RSPH14: variants seen among roughly 807,000 people sequenced by gnomAD.
The protein encoded by RSPH14 is rhabdoid tumor deletion region gene 1.
Under a neutral mutation model 26.7 loss-of-function variants are expected in RSPH14, and 20 were observed. The ratio of observed to expected loss-of-function variants is 0.75; its 90% confidence interval spans 0.53 to 1.09. The LOEUF (loss-of-function observed/expected upper bound fraction) is 1.09, where lower values mean the gene tolerates loss of function less well. Ranked by LOEUF, RSPH14 falls within the 50% of genes least tolerant of loss-of-function variation. The probability of loss-of-function intolerance (pLI) is 0.00; values close to 1 mark genes in which losing one functional copy is unlikely to be tolerated. For missense variants in RSPH14, 449 were observed against 457.2 expected (o/e 0.98, Z 0.16); for synonymous variants, 177 against 189.3 (o/e 0.93, Z 0.53).
chr22:23,071,619 A>C lies in RSPH14; in HGVS notation c.422-7486T>G, dbSNP rs887997147. Among the ~76,000 whole-genome samples the C allele has an allele frequency of 2.6e-5, 4 of 152,128 alleles. No individual in the cohort carries two copies. Among genetic ancestry groups the C allele is most frequent in the African/African-American group, 7.2e-5 (3 of 41,436 alleles). On this transcript the variant is annotated intron_variant, in intron 4 of 6. Transcript: ENST00000216036. This position sits in a 1 kb window ranked among gnomAD's most constrained non-coding sequence, Gnocchi z 4.1. ...TTGACGCTGGGGTGCACCGGGTGGG[A>C]GTGGACTGGGCCTGCCCTCCCAGGA...
the RSPH14 span, chr22:23,152,543 G>GC: frequency 6.2e-6 from 10 of 1,613,094 alleles, no homozygotes; most frequent in Non-Finnish European, 8.5e-6. Context: ...GGCTTCCTCT[G>GC]CCCCTTTGGC....
At chr22:23,104,794 C>G (rs374872520) in intron 4 of RSPH14, among the ~76,000 whole-genome samples, 138 of 152,272 alleles carry the variant, frequency 9.1e-4, no homozygotes, top group African/African-American at 3.2e-3. Flanking sequence ...CAGCAAGGCT[C>G]TGTGCTGACC....
chr22:23,120,683 G>A (rs1302568166), intron 4 of RSPH14, among the ~76,000 whole-genome samples: 2 of 151,870 alleles, frequency 1.3e-5, no homozygotes, highest in South Asian at 2.1e-4. Context: ...GAACCCCCAG[G>A]TCCATACCCT....
intron 4 of RSPH14, among the ~76,000 whole-genome samples, chr22:23,130,092 A>AAAGG (rs1491333410): frequency 9.0e-5 from 3 of 33,238 alleles, no homozygotes; most frequent in African/African-American, 2.7e-4. Flanking sequence ...AGGAAGAAAG[A>AAAGG]AAGAAAGAAA....
At chr22:23,135,436 G>A (rs1246398350) in intron 3 of RSPH14, among the ~76,000 whole-genome samples, 1 of 151,376 alleles carries the variant, frequency 6.6e-6, no homozygotes. Flanking sequence ...AGCTTGCAGT[G>A]AGCCAAGAAC....
At chr22:23,128,764 A>G (rs2070241954) in intron 4 of RSPH14, among the ~76,000 whole-genome samples, 1 of 152,216 alleles carries the variant, frequency 6.6e-6, no homozygotes, top group East Asian at 1.9e-4. Context: ...TGAATGAAGG[A>G]ATGAGCAAGC....
chr22:23,128,557 C>T lies in RSPH14; in HGVS notation c.421+5469G>A, dbSNP rs557529638. Among the ~76,000 whole-genome samples, 9 of 152,318 alleles carry T rather than the reference C, an allele frequency of 5.9e-5. No individual in the cohort carries two copies. In the East Asian group the frequency reaches 1.2e-3, roughly 20 times the overall value. Reference sequence around the variant, plus strand: ...TGAGCGCAGCAGCTTGGGCCCAGGGCCCCTGCAGGGCCAGGGCCCACTTGG... The same window carrying T: ...TGAGCGCAGCAGCTTGGGCCCAGGGTCCCTGCAGGGCCAGGGCCCACTTGG... On this transcript the variant is annotated intron_variant, in intron 4 of 6. Coordinates refer to ENST00000216036, the MANE Select transcript of RSPH14 (RefSeq NM_014433.3).
chr22:23,095,945 A>G, intron 4 of RSPH14: 1 of 1,612,758 alleles, frequency 6.2e-7, no homozygotes, highest in Non-Finnish European at 8.5e-7. Context: ...GCTGACCCGC[A>G]TCATCCGGGC....
chr22:23,061,263 G>T (rs983459956), intron 6 of RSPH14, among the ~76,000 whole-genome samples: 1 of 152,168 alleles, frequency 6.6e-6, no homozygotes, highest in African/African-American at 2.4e-5. Context: ...GCCCCAGTCT[G>T]CCAGGTGTGG....
At chr22:23,165,284 C>T in the RSPH14 span, among the ~76,000 whole-genome samples, 7 of 152,226 alleles carry the variant, frequency 4.6e-5, no homozygotes, top group Admixed American at 6.5e-5. Context: ...TGCCACCACA[C>T]GAAACTTACA....
chr22:23,159,130 G>A, the RSPH14 span: 1 of 1,606,608 alleles, frequency 6.2e-7, no homozygotes, highest in Admixed American at 1.7e-5. Context: ...AGGAGAGCCG[G>A]GACGCTGGGT....
chr22:23,161,798 C>T, the RSPH14 span: 122 of 539,316 alleles, frequency 2.3e-4, no homozygotes, highest in African/African-American at 3.6e-4. Flanking sequence ...CCCACACCAC[C>T]GGGCCAGTGC....
intron 4 of RSPH14, among the ~76,000 whole-genome samples, chr22:23,102,608 C>A (rs1202652988): frequency 1.3e-5 from 2 of 152,226 alleles, no homozygotes; most frequent in Non-Finnish European, 2.9e-5. Flanking sequence ...GGGCTGCCCC[C>A]ACACCTGCTC....
intron 4 of RSPH14, among the ~76,000 whole-genome samples, chr22:23,116,786 G>C (rs2069850072): frequency 6.6e-6 from 1 of 152,216 alleles, no homozygotes; most frequent in African/African-American, 2.4e-5. Flanking sequence ...GATGGGGAAG[G>C]AGTGGGGTGT....
rs1460854842 is a variant in RSPH14 at position 23,138,877 on chromosome 22, C to T, written c.265G>A (p.Glu89Lys). Residue 89 changes from glutamate to lysine, a missense_variant, in exon 3 of 7, where the codon GAG becomes AAG. Coordinates refer to ENST00000216036, the MANE Select transcript of RSPH14 (RefSeq NM_014433.3). Reference protein sequence around the residue: ...SNSMVRIKTTEVLHITASHSV... With the variant: ...SNSMVRIKTTKVLHITASHSV... ...TGGCTTGCCGTGATGTGGAGCACCT[C>T]GGTGGTCTTTATGCGCACCATACTG... 2.6e-6 allele frequency: 4 copies of T among 1,551,920 alleles called. No homozygotes were observed. Among genetic ancestry groups the T allele is most frequent in the Admixed American group, 3.9e-5 (2 of 51,090 alleles).
upstream of RSPH14, chr22:23,149,998 C>T (rs1232113276): frequency 7.6e-7 from 1 of 1,308,484 alleles, no homozygotes; most frequent in Non-Finnish European, 1.1e-6. Context: ...CCCCTCACTG[C>T]TTGGCTACGA....
chr22:23,156,040 A>T, the RSPH14 span: 1 of 1,610,220 alleles, frequency 6.2e-7, no homozygotes, highest in South Asian at 1.1e-5. Context: ...AGGGTGAGCA[A>T]CATGCCACGT....
chr22:23,153,864 T>C, the RSPH14 span, among the ~76,000 whole-genome samples: 1 of 152,044 alleles, frequency 6.6e-6, no homozygotes, highest in Non-Finnish European at 1.5e-5. Context: ...TATTTTTGTA[T>C]TTTTAGTAGA....
chr22:23,066,942 G>C (rs2068225818), intron 4 of RSPH14, among the ~76,000 whole-genome samples: 1 of 152,200 alleles, frequency 6.6e-6, no homozygotes. Context: ...CTACAGAACA[G>C]GTTGACATGT....
Sources: gnomAD v4.1 joint callset for allele counts (sites outside exome capture counted in the v4.1 genomes callset) on GRCh38, gnomAD v4.1.1 for gene constraint, Gnocchi (gnomAD v3.1) non-coding constraint, MANE v1.5 for transcripts, NCBI Gene and HGNC (gene_info 2026-07-23, HGNC 2026-07-21) for gene names.